Variants in ADAMTS17 observed in about 807,000 individuals in gnomAD.
The protein encoded by ADAMTS17 is ADAM metallopeptidase with thrombospondin type 1 motif 17, also known as A disintegrin and metalloproteinase with thrombospondin motifs 17.
Under a neutral mutation model 141.5 loss-of-function variants are expected in ADAMTS17, and 113 were observed. The observed-to-expected ratio is 0.80, with a 90% confidence interval of 0.69 to 0.93. The LOEUF is 0.93. Ranked by LOEUF, ADAMTS17 falls within the 40% of genes least tolerant of loss-of-function variation. The pLI is 0.00. For missense variants in ADAMTS17, 1,659 were observed against 1,517.9 expected, an observed-to-expected ratio of 1.09 and a Z score of -1.54; for synonymous variants, 768 against 630.6, an observed-to-expected ratio of 1.22 and a Z score of -3.27.
At position 100,256,691 on chromosome 15, in the gene ADAMTS17, C is replaced by T. The variant is rs116000409; in HGVS notation, c.1032-2512G>A. ...CAGAGGGATCCTGGTGGTGCAGCTT[C>T]GGGCCAGCTGTGTCTGCTATGGTGT... On this transcript the variant is annotated intron_variant, in intron 6 of 21. Transcript: ENST00000268070. 814 of 152,732 alleles carry T rather than the reference C, an allele frequency of 5.3e-3. 8 individuals carry two copies. The highest frequency in any genetic ancestry group is 0.014 in the African/African-American group (599 of 41,574). 9.5% of individuals were successfully genotyped at this position (152,732 alleles called of 1,614,324 possible).
intron 8 of ADAMTS17, among the ~76,000 whole-genome samples, chr15:100,169,732 G>C (rs532045823): frequency 4.6e-5 from 7 of 152,204 alleles, no homozygotes; most frequent in African/African-American, 1.7e-4. Context: ...CTGCATGCTC[G>C]AAACCAGCAG....
At chr15:100,178,281 T>C (rs1252499391) in intron 8 of ADAMTS17, among the ~76,000 whole-genome samples, 1 of 152,170 alleles carries the variant, frequency 6.6e-6, no homozygotes, top group Non-Finnish European at 1.5e-5. Context: ...TAGAGTTTGA[T>C]TTTGATTTAT....
chr15:100,082,183 G>A (rs908481950), intron 15 of ADAMTS17, among the ~76,000 whole-genome samples: 5 of 151,868 alleles, frequency 3.3e-5, no homozygotes, highest in Middle Eastern at 3.4e-3. Flanking sequence ...CTCCTGCCTC[G>A]GCCTCCCGAG....
intron 21 of ADAMTS17, 93 bp downstream of exon 21, chr15:99,975,952 C>T (rs2060314411): frequency 1.4e-6 from 2 of 1,392,872 alleles, no homozygotes; most frequent in Non-Finnish European, 1.9e-6. Flanking sequence ...CAAGAAGGGG[C>T]TTTCTGGCTG....
intron 8 of ADAMTS17, among the ~76,000 whole-genome samples, chr15:100,168,915 T>G (rs533975240): frequency 6.6e-6 from 1 of 152,298 alleles, no homozygotes; most frequent in African/African-American, 2.4e-5. Flanking sequence ...GCCCCCCAGG[T>G]GCTTTGTATT....
intron 2 of ADAMTS17, among the ~76,000 whole-genome samples, chr15:100,335,028 G>T (rs1023515949): frequency 1.3e-5 from 2 of 151,892 alleles, no homozygotes; most frequent in African/African-American, 4.8e-5. Flanking sequence ...ATCCTCCATC[G>T]CCTCTCAGCC....
At chr15:100,279,720 C>T (rs1290717280) in intron 4 of ADAMTS17, among the ~76,000 whole-genome samples, 2 of 152,180 alleles carry the variant, frequency 1.3e-5, no homozygotes. Flanking sequence ...ACCTTCGCAC[C>T]CCTTTCCCTC....
At chr15:100,339,581 AGGTCCACATTCCCCG>A (rs2046303446) in intron 2 of ADAMTS17, among the ~76,000 whole-genome samples, 1 of 75,926 alleles carries the variant, frequency 1.3e-5, no homozygotes, top group Admixed American at 1.6e-4. Context: ...TCCCCGCCCC[AGGTCCACATTCCCCG>A]CCCCAGGTCC....
At position 100,096,047 on chromosome 15, in the gene ADAMTS17, G is replaced by A. The variant is rs28469764; in HGVS notation, c.2137+309C>T. On this transcript the variant is annotated intron_variant, in intron 15 of 21. Transcript: ENST00000268070. ...TGTCTCTCCCACCTTCTCTGCCTGT[G>A]CATCAGAAGGCGAGATGCCAGGAAG... Among the ~76,000 whole-genome samples, 29,704 of 152,062 alleles carry A rather than the reference G, an allele frequency of 0.2. 3,469 individuals are homozygous for A. The highest frequency in any genetic ancestry group is 0.47 in the East Asian group (2,435 of 5,136).
At chr15:100,128,469 A>T (rs2037862058) in intron 12 of ADAMTS17, 1 of 152,146 alleles carries the variant, frequency 6.6e-6, no homozygotes, top group South Asian at 2.1e-4. Context: ...AATGACTAAC[A>T]ATCCGACGTG....
At chr15:100,146,229 TAC>T (rs1469669951) in intron 10 of ADAMTS17, among the ~76,000 whole-genome samples, 13 of 152,214 alleles carry the variant, frequency 8.5e-5, no homozygotes, top group African/African-American at 2.9e-4. Flanking sequence ...TATAATAGTA[TAC>T]AGTTATGTGT....
intron 7 of ADAMTS17, among the ~76,000 whole-genome samples, chr15:100,249,292 G>C (rs1286630138): frequency 6.6e-6 from 1 of 152,234 alleles, no homozygotes; most frequent in Non-Finnish European, 1.5e-5. Context: ...TCACCCGAAA[G>C]ATCTGAAGGG....
intron 7 of ADAMTS17, among the ~76,000 whole-genome samples, chr15:100,248,156 C>T (rs573456981): frequency 8.9e-4 from 136 of 152,180 alleles, no homozygotes; most frequent in Non-Finnish European, 1.7e-3. Context: ...ATCTCCACTT[C>T]CTCCTGTAGG....
chr15:100,331,906 C>G (rs541271896), intron 2 of ADAMTS17, among the ~76,000 whole-genome samples: 27 of 152,268 alleles, frequency 1.8e-4, no homozygotes, highest in Middle Eastern at 6.8e-3. Flanking sequence ...CTTGGAGAAA[C>G]AGCACTCCCC....
chr15:100,210,634 T>C (rs112346805), intron 7 of ADAMTS17, among the ~76,000 whole-genome samples: 2,844 of 152,280 alleles, frequency 0.019, 86 homozygotes, highest in African/African-American at 0.064. Context: ...CCATTTAGGA[T>C]TGAAATGAAA....
intron 10 of ADAMTS17, among the ~76,000 whole-genome samples, chr15:100,149,229 T>C (rs186378502): frequency 2.6e-4 from 39 of 152,364 alleles, no homozygotes; most frequent in African/African-American, 9.1e-4. Flanking sequence ...CTGATACATG[T>C]CCCAGGCCTA....
At chr15:100,204,831 G>A (rs932732541) in intron 7 of ADAMTS17, among the ~76,000 whole-genome samples, 4 of 152,188 alleles carry the variant, frequency 2.6e-5, no homozygotes, top group African/African-American at 9.7e-5. Context: ...GTGAGGTAAG[G>A]AGTCACCTTC....
intron 8 of ADAMTS17, among the ~76,000 whole-genome samples, chr15:100,190,883 G>A (rs779238344): frequency 5.1e-4 from 78 of 152,368 alleles, no homozygotes; most frequent in Middle Eastern, 6.8e-3. Flanking sequence ...CCCTGGTTCT[G>A]TTCACGTGTG....
intron 3 of ADAMTS17, among the ~76,000 whole-genome samples, chr15:100,309,179 G>C (rs2045324214): frequency 6.6e-6 from 1 of 152,156 alleles, no homozygotes. Context: ...GCAGCACAGT[G>C]AGACCTCATC....
Sources: allele counts gnomAD v4.1 joint callset (sites outside exome capture counted in the v4.1 genomes callset), GRCh38; gene constraint gnomAD v4.1.1; transcripts MANE v1.5; gene names NCBI Gene and HGNC (gene_info 2026-07-23, HGNC 2026-07-21).